Variants in EFR3B observed in about 807,000 individuals in gnomAD.
EFR3B encodes the protein EFR3 homolog B.
EFR3B carries 64 observed loss-of-function variants against 104.7 expected under a neutral mutation model. The ratio of observed to expected loss-of-function variants is 0.61; its 90% CI spans 0.50 to 0.75. EFR3B has a LOEUF of 0.75. Among genes scored for constraint, EFR3B ranks in the 30% least tolerant of loss-of-function variants. The probability of loss-of-function intolerance (pLI) is 0.00; values close to 1 mark genes in which losing one functional copy is unlikely to be tolerated. For missense variants in EFR3B, 750 were observed against 1,078.5 expected, an observed-to-expected ratio of 0.70 and a Z score of 4.27; for synonymous variants, 385 against 417.9, an observed-to-expected ratio of 0.92 and a Z score of 0.96.
intron 1 of EFR3B, among the ~76,000 whole-genome samples, chr2:25,063,782 G>A (rs1003410527): frequency 6.6e-6 from 1 of 152,166 alleles, no homozygotes; most frequent in Non-Finnish European, 1.5e-5. Context: ...CAGTAACAGG[G>A]TCACCCTCTC....
rs1244917062 is a variant in EFR3B, at chr2:25,155,905, G to A, written c.*1565G>A. 3 of 150,604 alleles carry A rather than the reference G, an allele frequency of 2.0e-5. No individual in the cohort carries two copies. Among genetic ancestry groups the A allele is most frequent in the East Asian group, 2.0e-4 (1 of 5,042 alleles). The allele number at this position is 150,604 out of a possible 1,614,324, so 9.3% of individuals were successfully genotyped here. On this transcript the variant is annotated 3_prime_UTR_variant, in exon 23 of 23. Transcript: ENST00000403714. ...GGGGTCTCACTATGTTGCCCAGGCT[G>A]GCCTCGAACTCCTGAGTTTAAGTGA...
At chr2:25,151,379 C>T (rs1212288412) in intron 20 of EFR3B, among the ~76,000 whole-genome samples, 1 of 152,142 alleles carries the variant, frequency 6.6e-6, no homozygotes, top group East Asian at 1.9e-4. Flanking sequence ...CCTCAGCCTC[C>T]CAAGTAACTG....
chr2:25,069,186 G>A (rs1267337204), intron 1 of EFR3B, among the ~76,000 whole-genome samples: 3 of 152,142 alleles, frequency 2.0e-5, no homozygotes, highest in Non-Finnish European at 1.5e-5. Flanking sequence ...GGGATTACAG[G>A]CATGAGCCAT....
At chr2:25,142,223 A>T (rs1670688878) in intron 17 of EFR3B, among the ~76,000 whole-genome samples, 1 of 152,066 alleles carries the variant, frequency 6.6e-6, no homozygotes, top group Non-Finnish European at 1.5e-5. Flanking sequence ...TGGGCGGATC[A>T]CTTGAGGTCA....
At position 25,093,075 on chromosome 2, in the gene EFR3B, A is replaced by G; in HGVS notation, c.157A>G (p.Ile53Val). ...CTCAGCTCCAGAAAAACTTGATCGT[A>G]TTGGCGCCTACCTCTCTGAGAGGCT... The part of the protein sequence containing the change: ...ALSAPEKLDR[I>V]GAYLSERLIR... Residue 53 changes from isoleucine to valine, a missense_variant, in exon 3 of 23, where the codon ATT becomes GTT. Physicochemically the swap from Ile to Val is conservative, Grantham distance 29. Coordinates refer to ENST00000403714, the MANE Select transcript of EFR3B (RefSeq NM_014971.2). 1.3e-6 allele frequency: 2 copies of G among 1,551,458 alleles called. No homozygotes were observed. The highest frequency in any genetic ancestry group is 1.7e-6 in the Non-Finnish European group (2 of 1,147,066).
In EFR3B at chr2:25,137,494, G is replaced by T; in HGVS notation, c.1714G>T (p.Ala572Ser). Residue 572 changes from alanine to serine, a missense_variant, in exon 15 of 23, where the codon GCT becomes TCT. Ala to Ser is a moderately conservative substitution (Grantham distance 99). Transcript: ENST00000403714. This position sits in a 1 kb window ranked among gnomAD's most constrained non-coding sequence, Gnocchi z 4.7. ...VVVDLIRLVL[A>S]VQDVAQVNEE... ...GGTGGACCTCATCCGTCTGGTGCTG[G>T]CTGTTCAGGTGGGGCCTGGTGTGCG... The T allele has an allele frequency of 2.6e-6, 4 of 1,551,744 alleles. No individual in the cohort carries two copies. Among genetic ancestry groups the T allele is most frequent in the Non-Finnish European group, 3.5e-6 (4 of 1,146,998 alleles).
At chr2:25,141,315 G>A in intron 16 of EFR3B, 51 bp from the exon 17 acceptor site, 1 of 1,539,148 alleles carries the variant, frequency 6.5e-7, no homozygotes, top group Non-Finnish European at 8.8e-7. Context: ...TTGCCTGTGA[G>A]CTCCCTCTCC....
chr2:25,067,548 C>T (rs1377916773), intron 1 of EFR3B, among the ~76,000 whole-genome samples: 1 of 151,992 alleles, frequency 6.6e-6, no homozygotes, highest in Non-Finnish European at 1.5e-5. Flanking sequence ...AATTCTCCTG[C>T]CTGAGCCTCC....
chr2:25,060,732 AACAC>A (rs1458668480), intron 1 of EFR3B, among the ~76,000 whole-genome samples: 1 of 152,052 alleles, frequency 6.6e-6, no homozygotes, highest in Non-Finnish European at 1.5e-5. Flanking sequence ...CATCATGGCT[AACAC>A]AGCGAAACCC....
chr2:25,064,745 A>G (rs1040402330), intron 1 of EFR3B, among the ~76,000 whole-genome samples: 6 of 152,236 alleles, frequency 3.9e-5, no homozygotes, highest in Non-Finnish European at 8.8e-5. Context: ...ATACAGAAGC[A>G]TTAACTTTTT....
chr2:25,049,635 G>A (rs1239316911), intron 1 of EFR3B, among the ~76,000 whole-genome samples: 1 of 152,120 alleles, frequency 6.6e-6, no homozygotes, highest in East Asian at 1.9e-4. Context: ...GAGTCATCTG[G>A]GCAGGCTTCA....
intron 22 of EFR3B, 67 bp downstream of exon 22, chr2:25,153,828 G>A: frequency 6.8e-7 from 1 of 1,462,472 alleles, no homozygotes; most frequent in Non-Finnish European, 9.4e-7. Context: ...CTCATCCTGA[G>A]TCCTCTCACC....
At chr2:25,081,378 G>T in intron 1 of EFR3B, 2 of 1,040,560 alleles carry the variant, frequency 1.9e-6, no homozygotes, top group Non-Finnish European at 2.9e-6. Flanking sequence ...AGTACTCATA[G>T]TTACAGTTTA....
intron 1 of EFR3B, among the ~76,000 whole-genome samples, chr2:25,054,668 A>T (rs1667971288): frequency 6.6e-6 from 1 of 152,192 alleles, no homozygotes. Flanking sequence ...AGAAAGTGAC[A>T]ATCCCTGCAT....
Position 25,154,419 on chromosome 2 carries a change from T to G in EFR3B, c.*79T>G. The G allele has an allele frequency of 7.7e-7, 1 of 1,294,652 alleles. No homozygotes were observed. The highest frequency in any genetic ancestry group is 1.1e-6 in the Non-Finnish European group (1 of 923,650). The allele number at this position is 1,294,652 out of a possible 1,614,324, so 80.2% of individuals were successfully genotyped here. Reference sequence around the variant, plus strand: ...CACGCCCACCCCGACCACATGGAGATCTGGCTGTGATCTCTGAGAAAACAT... The same window carrying G: ...CACGCCCACCCCGACCACATGGAGAGCTGGCTGTGATCTCTGAGAAAACAT... On this transcript the variant is annotated 3_prime_UTR_variant, in exon 23 of 23. Coordinates refer to ENST00000403714, the MANE Select transcript of EFR3B (RefSeq NM_014971.2). This position sits in a 1 kb window ranked among gnomAD's most constrained non-coding sequence, Gnocchi z 4.1.
chr2:25,093,451 G>C (rs1018433194), intron 3 of EFR3B, among the ~76,000 whole-genome samples: 1 of 151,882 alleles, frequency 6.6e-6, no homozygotes, highest in African/African-American at 2.4e-5. Flanking sequence ...CCATGATTGT[G>C]CCACTGCATT....
intron 1 of EFR3B, among the ~76,000 whole-genome samples, chr2:25,050,749 T>C (rs1007002453): frequency 2.0e-5 from 3 of 152,208 alleles, no homozygotes; most frequent in Non-Finnish European, 4.4e-5. Flanking sequence ...TTGAGCTTAC[T>C]GTAGGCCACA....
intron 4 of EFR3B, among the ~76,000 whole-genome samples, chr2:25,118,710 T>C (rs1246353155): frequency 1.0e-5 from 1 of 98,506 alleles, no homozygotes; most frequent in Non-Finnish European, 1.8e-5. Flanking sequence ...GACAACACAA[T>C]GAGACCCTGT....
Position 25,131,566 on chromosome 2 carries a change from G to A in EFR3B, c.985+63G>A, listed in dbSNP as rs1670335844. On this transcript the variant is annotated intron_variant, in intron 9 of 22. Transcript: ENST00000403714. This position sits in a 1 kb window ranked among gnomAD's most constrained non-coding sequence, Gnocchi z 7.6. ...CGCGGAGGCTGCCGCCTCTTACAGA[G>A]AGAGGCAAGGGACAACAGGGAGGGG... 1 of 1,540,522 alleles carries A rather than the reference G, an allele frequency of 6.5e-7. No individual in the cohort carries two copies. Among genetic ancestry groups the A allele is most frequent in the East Asian group, 2.5e-5 (1 of 40,710 alleles).
Sources: gnomAD v4.1 joint callset for allele counts (sites outside exome capture counted in the v4.1 genomes callset) on GRCh38, gnomAD v4.1.1 for gene constraint, Gnocchi (gnomAD v3.1) non-coding constraint, MANE v1.5 for transcripts, NCBI Gene and HGNC (gene_info 2026-07-23, HGNC 2026-07-21) for gene names.